AGL: variants seen among roughly 807,000 people sequenced by gnomAD.
AGL encodes the protein amylo-alpha-1,6-glucosidase and 4-alpha-glucanotransferase, also known as glycogen debranching enzyme.
AGL carries 128 observed loss-of-function variants against 199.3 expected under a neutral mutation model. The observed-to-expected ratio is 0.64, with a 90% CI of 0.56 to 0.74. The LOEUF (loss-of-function observed/expected upper bound fraction) is 0.74, where lower values mean the gene tolerates loss of function less well. AGL is among the 30% of genes least tolerant of loss of function. The probability of loss-of-function intolerance (pLI) is 0.00; values close to 1 mark genes in which losing one functional copy is unlikely to be tolerated. For synonymous variants in AGL, 584 were observed against 594.7 expected (o/e 0.98, Z 0.26); for missense variants, 1,809 against 1,820.8 (o/e 0.99, Z 0.12).
intron 20 of AGL, among the ~76,000 whole-genome samples, chr1:99,887,243 G>A (rs1395955029): frequency 6.6e-6 from 1 of 152,200 alleles, no homozygotes; most frequent in Non-Finnish European, 1.5e-5. Flanking sequence ...TATTATAGAA[G>A]CACAAGAAAA....
chr1:99,867,578 C>T lies in AGL; in HGVS notation c.665-2822C>T, dbSNP rs539495144. On this transcript the variant is annotated intron_variant, in intron 5 of 33. Coordinates refer to ENST00000361915, the MANE Select transcript of AGL (RefSeq NM_000642.3). ...TTTTTTTCTCTTTTTTTTTTTGAGA[C>T]GGAGTCTCCTTCTGTCGCCCAGGCT... 2.5e-4 allele frequency among the ~76,000 whole-genome samples: 38 copies of T among 149,154 alleles called. 1 individual carries two copies. The South Asian group carries it at 5.5e-3, about 22-fold the overall frequency.
chr1:99,850,715 C>T (rs1334587808), intron 1 of AGL: 1 of 310,400 alleles, frequency 3.2e-6, no homozygotes, highest in Non-Finnish European at 6.1e-6. Flanking sequence ...TTGCTTTTCT[C>T]TGAGAATGGT....
chr1:99,896,365 T>A lies in AGL; in HGVS notation c.3339T>A (p.Ile1113=), dbSNP rs1401900410. Residue 1113 remains isoleucine, a synonymous_variant, in exon 25 of 34, where the codon ATT becomes ATA. Coordinates refer to ENST00000361915, the MANE Select transcript of AGL (RefSeq NM_000642.3). ...TFIALRGILL[I]TGRYVEARNI... ...TTGCACTTAGAGGTATACTGCTGAT[T>A]ACTGGACGCTATGTAGAAGCCAGGT... 2 of 1,614,022 alleles carry A rather than the reference T, an allele frequency of 1.2e-6. No homozygotes were observed. Among genetic ancestry groups the A allele is most frequent in the Non-Finnish European group, 1.7e-6 (2 of 1,179,894 alleles).
chr1:99,885,475 G>C (rs1259274508), intron 20 of AGL, among the ~76,000 whole-genome samples: 4 of 152,026 alleles, frequency 2.6e-5, no homozygotes, highest in African/African-American at 9.7e-5. Context: ...CCAACCTCTG[G>C]GCCACAGACT....
Position 99,888,103 on chromosome 1 carries a change from T to G in AGL, c.2807T>G (p.Leu936Arg). The G allele has an allele frequency of 6.2e-7, 1 of 1,613,122 alleles. No individual in the cohort carries two copies. Among genetic ancestry groups the G allele is most frequent in the Non-Finnish European group, 8.5e-7 (1 of 1,179,494 alleles). ...TGGTCAGCCCTTAAATATGCAGGTCTTCAAGGTAAGCAAATGGAAGGATAG... is the reference window on the plus strand; with the variant it reads ...TGGTCAGCCCTTAAATATGCAGGTCGTCAAGGTAAGCAAATGGAAGGATAG... ...PNWSALKYAG[L>R]QGLMSVLAEI... Residue 936 changes from leucine to arginine, a missense_variant, in exon 21 of 34, where the codon CTT (leucine) becomes CGT (arginine). Transcript: ENST00000361915.
In AGL at chr1:99,891,094, G is replaced by A. The variant is rs143427634; in HGVS notation, c.2813-126G>A. The A allele has an allele frequency of 8.0e-4, 932 of 1,158,140 alleles. 6 individuals are homozygous for A. In the African/African-American group the frequency reaches 0.013, roughly 16 times the overall value. 71.7% of individuals were successfully genotyped at this position (1,158,140 alleles called of 1,614,324 possible). Reference sequence around the variant, plus strand: ...CAGTGTTGTGGACTGGGTAGCCCTTGTGTGTGCCTCTAATACGTATTCACC... The same window carrying A: ...CAGTGTTGTGGACTGGGTAGCCCTTATGTGTGCCTCTAATACGTATTCACC... On this transcript the variant is annotated intron_variant, in intron 21 of 33. Transcript: ENST00000361915.
intron 2 of AGL, among the ~76,000 whole-genome samples, chr1:99,857,513 C>T (rs1422960337): frequency 6.6e-6 from 1 of 152,046 alleles, no homozygotes; most frequent in African/African-American, 2.4e-5. Context: ...GCACTCCAGC[C>T]TGGGCAACAT....
intron 12 of AGL, among the ~76,000 whole-genome samples, chr1:99,878,776 T>C (rs1651777244): frequency 6.6e-6 from 1 of 152,140 alleles, no homozygotes; most frequent in Non-Finnish European, 1.5e-5. Context: ...TTGATTTGAT[T>C]TGGAGGGATT....
intron 4 of AGL, among the ~76,000 whole-genome samples, chr1:99,863,012 T>C (rs527954359): frequency 6.6e-6 from 1 of 152,120 alleles, no homozygotes; most frequent in Non-Finnish European, 1.5e-5. Flanking sequence ...CGATCTCAGC[T>C]CACTACAACC....
intron 21 of AGL, among the ~76,000 whole-genome samples, chr1:99,888,763 A>G (rs1652651940): frequency 6.6e-6 from 1 of 152,184 alleles, no homozygotes; most frequent in Non-Finnish European, 1.5e-5. Flanking sequence ...CCTGGTTCAT[A>G]TAGTTTTCAC....
intron 5 of AGL, 123 bp from the exon 6 acceptor site, chr1:99,870,277 T>G (rs1483813797): frequency 1.0e-6 from 1 of 998,514 alleles, no homozygotes; most frequent in East Asian, 2.6e-5. Context: ...ATCGTAAAAT[T>G]GATGTCCAAT....
chr1:99,909,632 A>C (rs1346773962), intron 27 of AGL, among the ~76,000 whole-genome samples: 1 of 151,674 alleles, frequency 6.6e-6, no homozygotes, highest in Admixed American at 6.6e-5. Flanking sequence ...TCTCACCCAG[A>C]CTGGTATATA....
intron 24 of AGL, among the ~76,000 whole-genome samples, chr1:99,893,572 C>T (rs1371260679): frequency 6.6e-6 from 1 of 152,080 alleles, no homozygotes; most frequent in Non-Finnish European, 1.5e-5. Flanking sequence ...GAACCCATTA[C>T]AAAAAATAGT....
rs770983400 is a variant in AGL at position 99,862,385 on chromosome 1, A to G, written c.422A>G (p.Asp141Gly). ...TFLAKCLGPF[D>G]EWESRLRVAK... ...TTAGCTAAGTGTTTGGGACCTTTTG[A>G]TGAATGGGAAAGCAGACTTAGGGTT... is the stretch of plus-strand genomic sequence containing the variant. Residue 141 changes from aspartate to glycine, a missense_variant, in exon 4 of 34, where the codon GAT becomes GGT. Asp to Gly is a moderately conservative substitution (Grantham distance 94, BLOSUM62 -1). Coordinates refer to ENST00000361915, the MANE Select transcript of AGL (RefSeq NM_000642.3). 2 of 1,614,086 alleles carry G rather than the reference A, an allele frequency of 1.2e-6. No individual in the cohort carries two copies. The highest frequency in any genetic ancestry group is 2.2e-5 in the South Asian group (2 of 91,076).
chr1:99,864,288 T>C (rs1316255361), intron 4 of AGL, 98 bp from the exon 5 acceptor site: 3 of 1,136,358 alleles, frequency 2.6e-6, no homozygotes, highest in Non-Finnish European at 3.9e-6. Flanking sequence ...CCTTGCTATT[T>C]ATAATTACTT....
intron 20 of AGL, among the ~76,000 whole-genome samples, chr1:99,885,016 A>G (rs1652346728): frequency 6.6e-6 from 1 of 152,146 alleles, no homozygotes; most frequent in Admixed American, 6.5e-5. Flanking sequence ...CATACCTCAT[A>G]CCCTTTACCA....
intron 33 of AGL, among the ~76,000 whole-genome samples, chr1:99,920,350 G>A (rs1042955343): frequency 1.3e-5 from 2 of 152,194 alleles, no homozygotes; most frequent in Non-Finnish European, 2.9e-5. Flanking sequence ...CCTGTGGCTT[G>A]TGGCAGCAAA....
intron 24 of AGL, among the ~76,000 whole-genome samples, chr1:99,893,642 A>G (rs1174076487): frequency 1.3e-5 from 2 of 152,228 alleles, no homozygotes; most frequent in African/African-American, 4.8e-5. Context: ...TATACACTTT[A>G]AACGATATAC....
At chr1:99,870,956 T>C in intron 7 of AGL, 87 bp downstream of exon 7, 1 of 790,542 alleles carries the variant, frequency 1.3e-6, no homozygotes, top group Non-Finnish European at 2.1e-6. Flanking sequence ...AACGTCATTA[T>C]TAAATATGTC....
Sources: allele counts gnomAD v4.1 joint callset (sites outside exome capture counted in the v4.1 genomes callset), GRCh38; gene constraint gnomAD v4.1.1; transcripts MANE v1.5; gene names NCBI Gene and HGNC (gene_info 2026-07-23, HGNC 2026-07-21).